The following ASTN2 variants were observed in gnomAD, a reference collection of about 807,000 sequenced individuals.
ASTN2 encodes the protein astrotactin-2.
A neutral mutation model predicts 139.8 loss-of-function variants in ASTN2; 54 were observed. The ratio of observed to expected loss-of-function variants is 0.39; its 90% CI spans 0.31 to 0.48. The LOEUF is 0.48. Among genes scored for constraint, ASTN2 ranks in the 20% least tolerant of loss-of-function variants. The pLI, the probability that ASTN2 is intolerant of heterozygous loss-of-function variation, is 0.95. For synonymous variants in ASTN2, 756 were observed against 719.5 expected, an observed-to-expected ratio of 1.05 and a Z score of -0.81; for missense variants, 1,565 against 1,725.1, an observed-to-expected ratio of 0.91 and a Z score of 1.64.
At chr9:117,353,748 C>A (rs141382495) in intron 1 of ASTN2, among the ~76,000 whole-genome samples, 1 of 152,206 alleles carries the variant, frequency 6.6e-6, no homozygotes, top group East Asian at 1.9e-4. Context: ...TTCTGAAAAC[C>A]CCACTAAATA....
chr9:116,839,881 ATT>A (rs71502081), intron 11 of ASTN2, among the ~76,000 whole-genome samples: 10,265 of 127,734 alleles, frequency 0.08, 568 homozygotes, highest in East Asian at 0.16. Context: ...TATTATTATT[ATT>A]TTTTTTTTTT....
intron 5 of ASTN2, among the ~76,000 whole-genome samples, chr9:117,053,138 G>C (rs1838961298): frequency 6.6e-6 from 1 of 152,120 alleles, no homozygotes; most frequent in Non-Finnish European, 1.5e-5. Context: ...TGTTTCACTT[G>C]CTCCTTAAAA....
intron 16 of ASTN2, among the ~76,000 whole-genome samples, chr9:116,682,199 T>A (rs1460245910): frequency 6.6e-6 from 1 of 151,790 alleles, no homozygotes; most frequent in African/African-American, 2.4e-5. Context: ...AACAACCCCA[T>A]CAAAAAGTGG....
intron 3 of ASTN2, among the ~76,000 whole-genome samples, chr9:117,169,803 T>C (rs1209399173): frequency 2.0e-5 from 3 of 152,260 alleles, no homozygotes; most frequent in African/African-American, 7.2e-5. Flanking sequence ...TTTTAATTTA[T>C]ATCCCAGTGA....
At chr9:117,398,906 C>G (rs1044793121) in intron 1 of ASTN2, among the ~76,000 whole-genome samples, 1 of 152,098 alleles carries the variant, frequency 6.6e-6, no homozygotes, top group Non-Finnish European at 1.5e-5. Context: ...CTCAGCCTCC[C>G]GAGTAGCTGG....
At chr9:116,641,157 A>G (rs1488814073) in intron 17 of ASTN2, among the ~76,000 whole-genome samples, 2 of 152,236 alleles carry the variant, frequency 1.3e-5, no homozygotes, top group Non-Finnish European at 2.9e-5. Context: ...CCAATCCTAG[A>G]ATGAATCGAA....
chr9:117,043,975 A>C (rs1838659848), intron 5 of ASTN2, among the ~76,000 whole-genome samples: 2 of 152,088 alleles, frequency 1.3e-5, no homozygotes. Flanking sequence ...AAGTGAATTC[A>C]CATTAGTTTA....
chr9:116,636,853 T>C (rs1046269050), intron 17 of ASTN2, among the ~76,000 whole-genome samples: 13 of 152,146 alleles, frequency 8.5e-5, no homozygotes, highest in Admixed American at 3.3e-4. Context: ...AGAGGAGTGG[T>C]CTTTGGGAGG....
intron 5 of ASTN2, among the ~76,000 whole-genome samples, chr9:117,062,874 A>G (rs1449740188): frequency 6.6e-6 from 1 of 152,238 alleles, no homozygotes; most frequent in Non-Finnish European, 1.5e-5. Context: ...AAACTTATTC[A>G]TAACCATATC....
chr9:117,300,138 T>C (rs1834840354), intron 1 of ASTN2, among the ~76,000 whole-genome samples: 1 of 152,220 alleles, frequency 6.6e-6, no homozygotes. Flanking sequence ...CTTCCAATAA[T>C]TATCTACTGA....
At chr9:116,495,462 G>T (rs886273480) in intron 19 of ASTN2, among the ~76,000 whole-genome samples, 1 of 152,188 alleles carries the variant, frequency 6.6e-6, no homozygotes, top group African/African-American at 2.4e-5. Flanking sequence ...TCCAGGTACA[G>T]ACACCAACCA....
intron 20 of ASTN2, among the ~76,000 whole-genome samples, chr9:116,460,807 A>G (rs1410872778): frequency 6.6e-6 from 1 of 152,140 alleles, no homozygotes; most frequent in Non-Finnish European, 1.5e-5. Context: ...TTTCTTTGTC[A>G]GTAAAATAAA....
chr9:116,522,209 C>T (rs1397056217), intron 19 of ASTN2, among the ~76,000 whole-genome samples: 1 of 152,108 alleles, frequency 6.6e-6, no homozygotes, highest in African/African-American at 2.4e-5. Flanking sequence ...AAGATACTTG[C>T]ACATACATGT....
At chr9:116,429,688 G>A (rs1847434992) in intron 22 of ASTN2, among the ~76,000 whole-genome samples, 1 of 152,132 alleles carries the variant, frequency 6.6e-6, no homozygotes, top group Non-Finnish European at 1.5e-5. Flanking sequence ...ACTGGGCAAT[G>A]GGACAGATAT....
At chr9:116,533,611 G>T (rs903071942) in intron 19 of ASTN2, among the ~76,000 whole-genome samples, 1 of 152,132 alleles carries the variant, frequency 6.6e-6, no homozygotes, top group African/African-American at 2.4e-5. Context: ...TGCATCTATT[G>T]AGATAATCAT....
chr9:116,682,818 T>A (rs984005075), intron 16 of ASTN2, among the ~76,000 whole-genome samples: 1 of 151,752 alleles, frequency 6.6e-6, no homozygotes, highest in South Asian at 2.1e-4. Context: ...TAGGTGGGAA[T>A]TGAACAATGA....
chr9:116,563,364 G>C (rs1853020110), intron 19 of ASTN2, among the ~76,000 whole-genome samples: 1 of 150,802 alleles, frequency 6.6e-6, no homozygotes, highest in African/African-American at 2.5e-5. Context: ...GATAGAGCGA[G>C]ACTCTGTCTC....
intron 3 of ASTN2, among the ~76,000 whole-genome samples, chr9:117,168,014 A>T (rs1830708713): frequency 6.6e-6 from 1 of 152,126 alleles, no homozygotes; most frequent in Admixed American, 6.6e-5. Context: ...GATGGGGTAG[A>T]GACCATTTAC....
chr9:116,951,098 G>T (rs561729394), intron 10 of ASTN2, among the ~76,000 whole-genome samples: 2 of 152,212 alleles, frequency 1.3e-5, no homozygotes, highest in African/African-American at 4.8e-5. Flanking sequence ...AGCACTTTGG[G>T]AGGCTGAGGT....
Sources: allele counts gnomAD v4.1 joint callset (sites outside exome capture counted in the v4.1 genomes callset), GRCh38; gene constraint gnomAD v4.1.1; transcripts MANE v1.5; gene names NCBI Gene and HGNC (gene_info 2026-07-23, HGNC 2026-07-21).